The following IGFBP2 variants were observed in gnomAD, a reference collection of about 807,000 sequenced individuals.
The protein encoded by IGFBP2 is insulin like growth factor binding protein 2.
In IGFBP2, 12 loss-of-function variants were observed where a neutral mutation model predicts 26.2. The observed-to-expected ratio is 0.46, with a 90% confidence interval of 0.29 to 0.74. The LOEUF (loss-of-function observed/expected upper bound fraction) is 0.74, where lower values mean the gene tolerates loss of function less well. Among genes scored for constraint, IGFBP2 ranks in the 30% least tolerant of loss-of-function variants. The pLI is 0.09. For synonymous variants in IGFBP2, 189 were observed against 200.6 expected (o/e 0.94, Z 0.49); for missense variants, 328 against 441.2 (o/e 0.74, Z 2.30).
At chr2:216,660,450 G>A (rs542761763) in intron 1 of IGFBP2, 107 bp from the exon 2 acceptor site, 151 of 751,562 alleles carry the variant, frequency 2.0e-4, no homozygotes, top group Non-Finnish European at 2.7e-4. Context: ...CTCATTAGCC[G>A]CGCGTCATCT....
chr2:216,659,098 G>A (rs2106205384), intron 1 of IGFBP2, among the ~76,000 whole-genome samples: 1 of 152,294 alleles, frequency 6.6e-6, no homozygotes, highest in East Asian at 1.9e-4. Context: ...CATGGCAAGT[G>A]AAGAGTGACT....
intron 1 of IGFBP2, among the ~76,000 whole-genome samples, chr2:216,639,987 G>C (rs1166669922): frequency 3.9e-5 from 6 of 151,954 alleles, no homozygotes; most frequent in Non-Finnish European, 7.4e-5. Context: ...AGTGCATTTC[G>C]TCTCAGCCTT....
intron 1 of IGFBP2, among the ~76,000 whole-genome samples, chr2:216,635,868 C>G (rs1256767483): frequency 6.6e-6 from 1 of 152,120 alleles, no homozygotes; most frequent in African/African-American, 2.4e-5. Context: ...CTTGCCCCAG[C>G]TGCGTTCTCC....
At chr2:216,637,291 A>C (rs1334843040) in intron 1 of IGFBP2, among the ~76,000 whole-genome samples, 1 of 151,976 alleles carries the variant, frequency 6.6e-6, no homozygotes, top group African/African-American at 2.4e-5. Context: ...AAAGAAGGAG[A>C]TGGGGAAGCG....
chr2:216,633,685 G>C lies in IGFBP2; in HGVS notation c.162G>C (p.Gly54=). The C allele has an allele frequency of 8.7e-7, 1 of 1,148,668 alleles. No homozygotes were observed. The highest frequency in any genetic ancestry group is 1.1e-6 in the Non-Finnish European group (1 of 936,812). The allele number at this position is 1,148,668 out of a possible 1,614,324, so 71.2% of individuals were successfully genotyped here. A position where few individuals can be genotyped will look rare whatever the true frequency, so the allele number is the denominator to read the frequency against. Residue 54 remains glycine (G), a synonymous_variant, in exon 1 of 4, where the codon GGG becomes GGC. Transcript: ENST00000233809. Reference sequence around the variant, plus strand: ...CACCCGAGCGCCTGGCCGCCTGCGGGCCCCCGCCGGTTGCGCCGCCCGCCG... The same window carrying C: ...CACCCGAGCGCCTGGCCGCCTGCGGCCCCCCGCCGGTTGCGCCGCCCGCCG... ...PCTPERLAAC[G]PPPVAPPAAV...
At chr2:216,643,120 C>T (rs142776826) in intron 1 of IGFBP2, among the ~76,000 whole-genome samples, 1 of 152,312 alleles carries the variant, frequency 6.6e-6, no homozygotes, top group East Asian at 1.9e-4. Context: ...GAAAATGGAC[C>T]TTTCACGTCT....
chr2:216,647,789 G>T (rs1697743517), intron 1 of IGFBP2, among the ~76,000 whole-genome samples: 1 of 152,134 alleles, frequency 6.6e-6, no homozygotes, highest in Admixed American at 6.5e-5. Context: ...CAAAGTGCTG[G>T]GATTACAGGG....
intron 1 of IGFBP2, among the ~76,000 whole-genome samples, chr2:216,658,589 G>A (rs942134264): frequency 2.0e-5 from 3 of 151,442 alleles, no homozygotes; most frequent in African/African-American, 4.9e-5. Flanking sequence ...TTGCTCTGTC[G>A]CCCAGGCTGG....
In IGFBP2 at chr2:216,655,993, GTTA is replaced by G. The variant is rs1486353544; in HGVS notation, c.443-4561_443-4559del. 5.3e-5 allele frequency among the ~76,000 whole-genome samples: 8 copies of G among 151,646 alleles called. No homozygotes were observed. The East Asian group carries it at 9.7e-4, about 18-fold the overall frequency. ...TATAGTAAGACTTTTTAACCTAAAA[GTTA>G]TTTTTTTTTTCTGATGTTAATAGAA... On this transcript the variant is annotated intron_variant, in intron 1 of 3. Transcript: ENST00000233809.
chr2:216,662,529 A>G (rs1397372159), intron 3 of IGFBP2: 1 of 160,170 alleles, frequency 6.2e-6, no homozygotes, highest in Non-Finnish European at 1.4e-5. Flanking sequence ...AAGATTCTGA[A>G]AAGCCATCTA....
chr2:216,661,087 G>A (rs2106207291), intron 2 of IGFBP2: 1 of 413,852 alleles, frequency 2.4e-6, no homozygotes, highest in Non-Finnish European at 4.4e-6. Context: ...CAGAGTCCCT[G>A]AAACTTGCTT....
chr2:216,635,763 G>A (rs921871420), intron 1 of IGFBP2, among the ~76,000 whole-genome samples: 1 of 152,038 alleles, frequency 6.6e-6, no homozygotes, highest in Non-Finnish European at 1.5e-5. Context: ...GGGGTGGGGG[G>A]TAGTTGTCAG....
intron 1 of IGFBP2, among the ~76,000 whole-genome samples, chr2:216,653,642 T>C (rs1051089934): frequency 2.6e-5 from 4 of 152,220 alleles, no homozygotes; most frequent in Non-Finnish European, 4.4e-5. Context: ...TCATCCCATC[T>C]GCCTTCCTCA....
chr2:216,641,101 A>G (rs752195238), intron 1 of IGFBP2, among the ~76,000 whole-genome samples: 5 of 152,198 alleles, frequency 3.3e-5, no homozygotes, highest in Non-Finnish European at 7.3e-5. Context: ...CCCTGTTGGT[A>G]AAATAGCAAT....
At chr2:216,639,485 C>T (rs528106037) in intron 1 of IGFBP2, among the ~76,000 whole-genome samples, 1 of 152,068 alleles carries the variant, frequency 6.6e-6, no homozygotes, top group African/African-American at 2.4e-5. Context: ...GGCTGTGAGG[C>T]CACATCCACA....
At chr2:216,648,820 G>C (rs927977236) in intron 1 of IGFBP2, among the ~76,000 whole-genome samples, 2 of 152,056 alleles carry the variant, frequency 1.3e-5, no homozygotes. Flanking sequence ...TATTGGCCAG[G>C]CTGGTCTCGA....
intron 1 of IGFBP2, among the ~76,000 whole-genome samples, chr2:216,643,032 T>C (rs954373265): frequency 6.6e-6 from 1 of 152,146 alleles, no homozygotes; most frequent in Admixed American, 6.5e-5. Flanking sequence ...TTAGCACATA[T>C]GGCATGCTCA....
intron 1 of IGFBP2, among the ~76,000 whole-genome samples, chr2:216,640,638 C>G (rs1236364080): frequency 6.6e-6 from 1 of 152,174 alleles, no homozygotes; most frequent in Non-Finnish European, 1.5e-5. Flanking sequence ...CTGGGTGACT[C>G]AGCGATACGA....
chr2:216,635,028 T>G (rs1697468045), intron 1 of IGFBP2, among the ~76,000 whole-genome samples: 1 of 151,680 alleles, frequency 6.6e-6, no homozygotes, highest in Admixed American at 6.6e-5. Context: ...AAGTGAGTCT[T>G]AAGTTTCTCA....
Sources: gnomAD v4.1 joint callset for allele counts (sites outside exome capture counted in the v4.1 genomes callset) on GRCh38, gnomAD v4.1.1 for gene constraint, MANE v1.5 for transcripts, NCBI Gene and HGNC (gene_info 2026-07-23, HGNC 2026-07-21) for gene names.